Variants in SLCO1A2 observed in about 807,000 individuals in gnomAD.
The protein encoded by SLCO1A2 is OATP-1.
A neutral mutation model predicts 69.0 loss-of-function variants in SLCO1A2; 67 were observed. That is an observed-to-expected ratio of 0.97 (90% CI 0.80 to 1.19). The LOEUF (loss-of-function observed/expected upper bound fraction) is 1.19. SLCO1A2 is among the 50% of genes most tolerant of loss of function. The pLI is 0.00. For synonymous variants in SLCO1A2, 260 were observed against 265.9 expected (o/e 0.98, Z 0.22); for missense variants, 787 against 793.7 (o/e 0.99, Z 0.10).
chr12:21,354,540 T>A (rs1485505253), intron 2 of SLCO1A2, among the ~76,000 whole-genome samples: 1 of 152,176 alleles, frequency 6.6e-6, no homozygotes, highest in Non-Finnish European at 1.5e-5. Flanking sequence ...TCCGTCATAG[T>A]CTCAAAAGAT....
intron 1 of SLCO1A2, among the ~76,000 whole-genome samples, chr12:21,416,356 G>GCACACACACA (rs3061424): frequency 6.8e-6 from 1 of 146,992 alleles, no homozygotes; most frequent in Middle Eastern, 3.5e-3. Flanking sequence ...AGAATCTCGG[G>GCACACACACA]CACACACACA....
intron 2 of SLCO1A2, among the ~76,000 whole-genome samples, chr12:21,333,043 T>C (rs1952709873): frequency 6.6e-6 from 1 of 152,134 alleles, no homozygotes; most frequent in Non-Finnish European, 1.5e-5. Context: ...TTATATTGAA[T>C]ACCATTTGTG....
intron 12 of SLCO1A2, among the ~76,000 whole-genome samples, chr12:21,290,702 G>C (rs1044936684): frequency 6.6e-6 from 1 of 152,096 alleles, no homozygotes; most frequent in African/African-American, 2.4e-5. Flanking sequence ...GGAAAGCCAG[G>C]GGGGAATAAA....
chr12:21,389,333 G>GC (rs1434810769), intron 1 of SLCO1A2, among the ~76,000 whole-genome samples: 1 of 151,936 alleles, frequency 6.6e-6, no homozygotes, highest in Non-Finnish European at 1.5e-5. Context: ...ACTTTTCTTA[G>GC]AAATATATAT....
chr12:21,334,413 T>C (rs745330256), intron 2 of SLCO1A2, among the ~76,000 whole-genome samples, 175 bp downstream of exon 2: 1 of 152,080 alleles, frequency 6.6e-6, no homozygotes, highest in Non-Finnish European at 1.5e-5. Flanking sequence ...TAATCCTGTG[T>C]AGACACACCC....
rs3061424 is a variant in SLCO1A2 at position 21,416,356 on chromosome 12, G to GCACACA, written c.-312+1520_-312+1525dup. On this transcript the variant is annotated intron_variant, in intron 1 of 4. Coordinates refer to the SLCO1A2 transcript ENST00000413682. ...ATGAAGATTCACTATAGAATCTCGG[G>GCACACA]CACACACACACACACACACACACAC... 3.2e-3 allele frequency among the ~76,000 whole-genome samples: 464 copies of GCACACA among 146,978 alleles called. 3 individuals carry two copies. The highest frequency in any genetic ancestry group is 9.7e-3 in the African/African-American group (387 of 40,006).
At chr12:21,355,287 T>C (rs920568238) in intron 2 of SLCO1A2, among the ~76,000 whole-genome samples, 3 of 152,174 alleles carry the variant, frequency 2.0e-5, no homozygotes, top group Non-Finnish European at 4.4e-5. Context: ...CACTATTTCC[T>C]GAAGTATGGC....
At chr12:21,315,553 A>AT (rs1234066907) in intron 3 of SLCO1A2, among the ~76,000 whole-genome samples, 2 of 152,018 alleles carry the variant, frequency 1.3e-5, no homozygotes, top group Non-Finnish European at 2.9e-5. Context: ...AAATTTCAAA[A>AT]TTTTTTTTCC....
intron 2 of SLCO1A2, among the ~76,000 whole-genome samples, chr12:21,355,625 G>C (rs1228005057): frequency 6.6e-6 from 1 of 152,158 alleles, no homozygotes; most frequent in Non-Finnish European, 1.5e-5. Flanking sequence ...ATTCTGTATA[G>C]TGGCAATGCA....
chr12:21,297,982 C>T (rs1347196678), intron 8 of SLCO1A2, among the ~76,000 whole-genome samples: 4 of 152,086 alleles, frequency 2.6e-5, no homozygotes, highest in African/African-American at 2.4e-5. Flanking sequence ...GGAGGAAAAT[C>T]GAGTTGATAA....
intron 1 of SLCO1A2, among the ~76,000 whole-genome samples, chr12:21,412,113 G>C (rs578103954): frequency 7.2e-5 from 11 of 152,154 alleles, no homozygotes; most frequent in African/African-American, 2.4e-4. Context: ...GGGCGCGGTG[G>C]CTTATGCCTG....
At chr12:21,419,105 A>C (rs2137216532), upstream of SLCO1A2, 1 of 152,312 alleles carries the variant, frequency 6.6e-6, no homozygotes, top group African/African-American at 2.4e-5. Flanking sequence ...TTAACCCAGA[A>C]ATACCAATAG....
At chr12:21,293,297 C>G (rs962193797) in intron 11 of SLCO1A2, among the ~76,000 whole-genome samples, 1 of 151,354 alleles carries the variant, frequency 6.6e-6, no homozygotes, top group African/African-American at 2.4e-5. Flanking sequence ...AGTGAGACTC[C>G]ATCTCAAAAA....
At chr12:21,360,137 T>C (rs1303934212) in intron 2 of SLCO1A2, among the ~76,000 whole-genome samples, 1 of 151,744 alleles carries the variant, frequency 6.6e-6, no homozygotes, top group Non-Finnish European at 1.5e-5. Flanking sequence ...GAGGAGTGGG[T>C]TGGGGAGTAG....
intron 1 of SLCO1A2, among the ~76,000 whole-genome samples, chr12:21,391,217 A>T (rs995869753): frequency 1.3e-5 from 2 of 152,136 alleles, no homozygotes; most frequent in Non-Finnish European, 2.9e-5. Context: ...TAACACCAAG[A>T]TTTACAGCAT....
At chr12:21,328,547 C>G (rs1055524029) in intron 2 of SLCO1A2, among the ~76,000 whole-genome samples, 1 of 152,060 alleles carries the variant, frequency 6.6e-6, no homozygotes, top group African/African-American at 2.4e-5. Context: ...ATTCTCCTGG[C>G]GTGAGCAGGT....
intron 2 of SLCO1A2, among the ~76,000 whole-genome samples, chr12:21,342,976 C>T (rs1979405): frequency 0.96 from 145,871 of 152,102 alleles, 70,143 homozygotes; most frequent in East Asian, 1. Context: ...CTCATACTTA[C>T]GCTGACATGA....
rs934615428 is a variant in SLCO1A2 at position 21,413,965 on chromosome 12, T to TTTTG, written c.-312+3913_-312+3916dup. On this transcript the variant is annotated intron_variant, in intron 1 of 4. Coordinates refer to the SLCO1A2 transcript ENST00000413682. Reference sequence around the variant, plus strand: ...ACAGCTTCACTGGACTTAGCAAGCTTTTTGTTTGTTTGTTTGTTTCCCTCT... The same window carrying TTTTG: ...ACAGCTTCACTGGACTTAGCAAGCTTTTTGTTTGTTTGTTTGTTTGTTTCCCTCT... Among the ~76,000 whole-genome samples the TTTTG allele has an allele frequency of 3.9e-5, 6 of 152,246 alleles. No homozygotes were observed. The East Asian group carries it at 7.7e-4, about 20-fold the overall frequency.
chr12:21,365,165 A>C (rs2137064309), intron 2 of SLCO1A2, among the ~76,000 whole-genome samples: 1 of 152,350 alleles, frequency 6.6e-6, no homozygotes, highest in Non-Finnish European at 1.5e-5. Context: ...GGCTACAGTA[A>C]CCAAAACAGC....
Sources: gnomAD v4.1 joint callset for allele counts (sites outside exome capture counted in the v4.1 genomes callset) on GRCh38, gnomAD v4.1.1 for gene constraint, MANE v1.5 for transcripts, NCBI Gene and HGNC (gene_info 2026-07-23, HGNC 2026-07-21) for gene names.